IFT88: variants seen among roughly 807,000 people sequenced by gnomAD.
IFT88 encodes intraflagellar transport protein 88 homolog.
Under a neutral mutation model 119.5 loss-of-function variants are expected in IFT88, and 74 were observed. The ratio of observed to expected loss-of-function variants is 0.62; its 90% CI spans 0.51 to 0.75. The LOEUF (loss-of-function observed/expected upper bound fraction) is 0.75, where lower values mean the gene tolerates loss of function less well. Ranked by LOEUF, IFT88 falls within the 30% of genes least tolerant of loss-of-function variation. IFT88 has a pLI of 0.00. For missense variants in IFT88, 961 were observed against 977.7 expected (o/e 0.98, Z 0.23); for synonymous variants, 279 against 316.7 (o/e 0.88, Z 1.26).
chr13:20,596,181 G>C lies in IFT88; in HGVS notation c.430G>C (p.Glu144Gln). Residue 144 changes from glutamate (E) to glutamine (Q), a missense_variant, in exon 8 of 26, where the codon GAA (glutamate) becomes CAA (glutamine). Glu to Gln is a conservative substitution (Grantham distance 29). Coordinates refer to ENST00000351808, the MANE Select transcript of IFT88 (RefSeq NM_006531.5). ...GGAAAAAATAAAGCAATTAGAGAAG[G>C]AAGTAAATGAGTTGGTAGAAGAAAG... ...PEEKIKQLEK[E>Q]VNELVEESCI... 1 of 1,555,848 alleles carries C rather than the reference G, an allele frequency of 6.4e-7. No homozygotes were observed. The highest frequency in any genetic ancestry group is 1.4e-5 in the African/African-American group (1 of 73,106).
chr13:20,657,389 C>T (rs372246629), intron 22 of IFT88, among the ~76,000 whole-genome samples: 2 of 152,168 alleles, frequency 1.3e-5, no homozygotes, highest in African/African-American at 4.8e-5. Flanking sequence ...ATAAATTTGT[C>T]CCTGAATAGC....
rs553883337 is a variant in IFT88, at chr13:20,620,522, G to A, written c.1199+4643G>A. Among the ~76,000 whole-genome samples, 16 of 152,274 alleles carry A rather than the reference G, an allele frequency of 1.1e-4. No homozygotes were observed. In the East Asian group the frequency reaches 2.1e-3, roughly 20 times the overall value. Reference sequence around the variant, plus strand: ...ACCCCCAAGGTGGTAGTATTAGGAGGTCGTCCTTTTCAAGGTGATTAGGAC... The same window carrying A: ...ACCCCCAAGGTGGTAGTATTAGGAGATCGTCCTTTTCAAGGTGATTAGGAC... On this transcript the variant is annotated intron_variant, in intron 14 of 25. Coordinates refer to ENST00000351808, the MANE Select transcript of IFT88 (RefSeq NM_006531.5).
At position 20,676,896 on chromosome 13, in the gene IFT88, A is replaced by T. The variant is rs377596073; in HGVS notation, c.2242+5857A>T. 2.3e-3 allele frequency among the ~76,000 whole-genome samples: 355 copies of T among 152,352 alleles called. 1 individual carries two copies. Among genetic ancestry groups the T allele is most frequent in the South Asian group, 0.017 (82 of 4,828 alleles). ...TGCATGCATATATCCTATCTGTAAA[A>T]TATATACACATGTATTTTATATATA... On this transcript the variant is annotated intron_variant, in intron 24 of 25. Coordinates refer to ENST00000351808, the MANE Select transcript of IFT88 (RefSeq NM_006531.5).
intron 13 of IFT88, among the ~76,000 whole-genome samples, chr13:20,606,022 G>T (rs1834871232): frequency 4.6e-5 from 1 of 21,830 alleles, no homozygotes. Context: ...TCATGATGTA[G>T]GCATGATTTT....
chr13:20,609,647 G>A (rs1381196206), intron 13 of IFT88, among the ~76,000 whole-genome samples: 2 of 152,054 alleles, frequency 1.3e-5, no homozygotes. Context: ...GGGAGGCTGA[G>A]GCAGAAGAAT....
intron 24 of IFT88, among the ~76,000 whole-genome samples, chr13:20,684,064 T>C (rs1232280086): frequency 2.0e-5 from 3 of 152,230 alleles, no homozygotes; most frequent in African/African-American, 7.2e-5. Context: ...TGGTCCATAT[T>C]GATTAATAGC....
rs766394645 is a variant in IFT88, at chr13:20,625,783, A to G, written c.1233A>G (p.Val411=). The change falls in exon 15 of 26, where the codon GTA becomes GTG. Residue 411 remains valine, a synonymous_variant. Coordinates refer to ENST00000351808, the MANE Select transcript of IFT88 (RefSeq NM_006531.5). ...CVEVVKASQY[V]ELANDLEINK... ...AAGTGGTGAAAGCTTCTCAATATGT[A>G]GAGCTAGCCAATGATCTGGAAATAA... 6.2e-7 allele frequency: 1 copy of G among 1,605,618 alleles called. No homozygotes were observed. Among genetic ancestry groups the G allele is most frequent in the Non-Finnish European group, 8.5e-7 (1 of 1,177,662 alleles).
chr13:20,673,774 T>G (rs2141029646), intron 24 of IFT88, among the ~76,000 whole-genome samples: 1 of 152,324 alleles, frequency 6.6e-6, no homozygotes, highest in Middle Eastern at 3.4e-3. Context: ...TTTTCCTTTC[T>G]TTCTTCCAGT....
In IFT88 at chr13:20,663,594, T is replaced by G. The variant is rs1295219404; in HGVS notation, c.2165T>G (p.Ile722Arg). ...AAGAGGTTGGAAAAAATGAAAGAAATAAGGGAACAGGTATCTCATATGGGC... is the reference window on the plus strand; with the variant it reads ...AAGAGGTTGGAAAAAATGAAAGAAAGAAGGGAACAGGTATCTCATATGGGC... ...KLKRLEKMKE[I>R]REQRIKSGRD... is the part of the protein sequence containing the mutation. The change falls in exon 23 of 26, where the codon ATA (isoleucine) becomes AGA (arginine). Residue 722 changes from isoleucine to arginine, a missense_variant. Ile to Arg is a moderately conservative substitution (Grantham distance 97). Transcript: ENST00000351808. The G allele has an allele frequency of 6.2e-7, 1 of 1,611,526 alleles. No individual in the cohort carries two copies. Among genetic ancestry groups the G allele is most frequent in the Non-Finnish European group, 8.5e-7 (1 of 1,178,066 alleles).
At chr13:20,611,896 G>T (rs2044615048) in intron 13 of IFT88, among the ~76,000 whole-genome samples, 1 of 152,134 alleles carries the variant, frequency 6.6e-6, no homozygotes, top group African/African-American at 2.4e-5. Flanking sequence ...ATGAGCCACC[G>T]CACCCGGCCC....
At chr13:20,626,340 G>T (rs2047335590) in intron 15 of IFT88, among the ~76,000 whole-genome samples, 2 of 152,154 alleles carry the variant, frequency 1.3e-5, no homozygotes, top group African/African-American at 4.8e-5. Flanking sequence ...GATTACAGGT[G>T]TGAGCCACCG....
At chr13:20,649,688 G>GA (rs200133006) in intron 20 of IFT88, among the ~76,000 whole-genome samples, 1,793 of 151,974 alleles carry the variant, frequency 0.012, 34 homozygotes, top group African/African-American at 0.041. Context: ...AAGCTGTAGA[G>GA]AAAATCAACA....
intron 17 of IFT88, among the ~76,000 whole-genome samples, chr13:20,640,097 T>A (rs2049646150): frequency 6.6e-6 from 1 of 152,028 alleles, no homozygotes; most frequent in Non-Finnish European, 1.5e-5. Flanking sequence ...GCCAAATTTG[T>A]CTTTTTAAAT....
rs905344778 is a variant in IFT88, at chr13:20,681,274, G to A, written c.2243-9431G>A. On this transcript the variant is annotated intron_variant, in intron 24 of 25. Transcript: ENST00000351808. ...TTTAATACAGGCAGAAGATTCTCCT[G>A]TTTGACAGGTAGCCCAAACAAAGTG... 2.6e-5 allele frequency among the ~76,000 whole-genome samples: 4 copies of A among 152,200 alleles called. No homozygotes were observed. The South Asian group carries it at 8.3e-4, about 31-fold the overall frequency.
intron 24 of IFT88, among the ~76,000 whole-genome samples, chr13:20,674,722 ATATTTTTT>A (rs1389748785): frequency 6.4e-3 from 273 of 42,642 alleles, no homozygotes; most frequent in African/African-American, 0.024. Context: ...ATATATATAT[ATATTTTTT>A]TTTTTTTTTT....
chr13:20,661,589 G>T (rs915460351), intron 22 of IFT88, among the ~76,000 whole-genome samples: 41 of 152,006 alleles, frequency 2.7e-4, no homozygotes, highest in African/African-American at 9.2e-4. Context: ...CAAAAAATTA[G>T]CTGGGCATAG....
intron 10 of IFT88, 84 bp downstream of exon 10, chr13:20,598,837 A>G (rs758653838): frequency 1.2e-6 from 1 of 803,066 alleles, no homozygotes; most frequent in Non-Finnish European, 2.1e-6. Context: ...GCTTCCTTAA[A>G]ATGAAATGAT....
intron 11 of IFT88, among the ~76,000 whole-genome samples, chr13:20,600,208 C>G (rs1373091401): frequency 6.6e-5 from 10 of 151,958 alleles, no homozygotes; most frequent in Non-Finnish European, 2.9e-5. Flanking sequence ...CAAATATTAT[C>G]TAACTTACAG....
At chr13:20,631,514 C>G (rs2048204319) in intron 16 of IFT88, 1 of 160,814 alleles carries the variant, frequency 6.2e-6, no homozygotes. Context: ...ATGGGAATAC[C>G]AAAAGTCTAA....
Sources: gnomAD v4.1 joint callset for allele counts (sites outside exome capture counted in the v4.1 genomes callset) on GRCh38, gnomAD v4.1.1 for gene constraint, MANE v1.5 for transcripts, NCBI Gene and HGNC (gene_info 2026-07-23, HGNC 2026-07-21) for gene names.